BIN2: variants seen among roughly 807,000 people sequenced by gnomAD.
The protein encoded by BIN2 is breast cancer associated protein BRAP1.
In BIN2, 43 loss-of-function variants were observed where a neutral mutation model predicts 67.9. The observed-to-expected ratio is 0.63, with a 90% CI of 0.50 to 0.82. The LOEUF (loss-of-function observed/expected upper bound fraction) is 0.82, where lower values mean the gene tolerates loss of function less well. BIN2 is among the 40% of genes least tolerant of loss of function. The probability of loss-of-function intolerance (pLI) is 0.00; values close to 1 mark genes in which losing one functional copy is unlikely to be tolerated. For missense variants in BIN2, 581 were observed against 671.6 expected (o/e 0.87, Z 1.49); for synonymous variants, 244 against 246.8 (o/e 0.99, Z 0.11).
chr12:51,290,564 C>T (rs1423732027), intron 10 of BIN2, among the ~76,000 whole-genome samples: 4 of 151,956 alleles, frequency 2.6e-5, no homozygotes, highest in South Asian at 2.1e-4. Context: ...AGGTGGCTCA[C>T]GCCTGTAATC....
intron 2 of BIN2, among the ~76,000 whole-genome samples, chr12:51,306,709 T>A (rs903020122): frequency 6.6e-6 from 1 of 152,234 alleles, no homozygotes; most frequent in African/African-American, 2.4e-5. Context: ...CTGGATTTGG[T>A]AATGGGTCAC....
chr12:51,313,906 A>C lies in BIN2; in HGVS notation c.82-3T>G. The C allele has an allele frequency of 1.9e-6, 3 of 1,613,122 alleles. No individual in the cohort carries two copies. Among genetic ancestry groups the C allele is most frequent in the Non-Finnish European group, 2.5e-6 (3 of 1,179,138 alleles). On this transcript the variant is annotated splice_region_variant and splice_polypyrimidine_tract_variant and intron_variant, in intron 1 of 12. Coordinates refer to ENST00000615107, the MANE Select transcript of BIN2 (RefSeq NM_016293.4). ...GCTTTCCCCAATTTCTGCAGCACCTAGGGATATAAGTCAGAAAGGCCCGTA... is the reference window on the plus strand; with the variant it reads ...GCTTTCCCCAATTTCTGCAGCACCTCGGGATATAAGTCAGAAAGGCCCGTA...
rs1455409057 is a variant in BIN2, at chr12:51,297,114, T to C, written c.653A>G (p.Asp218Gly). 6.2e-7 allele frequency: 1 copy of C among 1,613,988 alleles called. No individual in the cohort carries two copies. The highest frequency in any genetic ancestry group is 8.5e-7 in the Non-Finnish European group (1 of 1,179,938). Reference protein sequence around the residue: ...TIFQNISNLRDVFYREMSKLN... With the variant: ...TIFQNISNLRGVFYREMSKLN... ...CTTGCTCATTTCCCTGTAGAAGACA[T>C]CCCTCAAGTTGGAAATGTTTTGGAA... The change falls in exon 8 of 13, where the codon GAT becomes GGT. Residue 218 changes from aspartate to glycine, a missense_variant. Asp to Gly is a moderately conservative substitution (Grantham distance 94). Coordinates refer to ENST00000615107, the MANE Select transcript of BIN2 (RefSeq NM_016293.4).
At position 51,288,874 on chromosome 12, in the gene BIN2, C is replaced by T. The variant is rs559097381; in HGVS notation, c.1516-686G>A. ...AAGCGATTCTCCTGCCTCAGCCTCC[C>T]GAGTAGCTGGGATTACGGCACACAC... On this transcript the variant is annotated intron_variant, in intron 10 of 12. Coordinates refer to ENST00000615107, the MANE Select transcript of BIN2 (RefSeq NM_016293.4). Among the ~76,000 whole-genome samples, 90 of 152,042 alleles carry T rather than the reference C, an allele frequency of 5.9e-4. No homozygotes were observed. In the South Asian group the frequency reaches 0.011, roughly 19 times the overall value.
intron 1 of BIN2, among the ~76,000 whole-genome samples, chr12:51,317,546 G>A (rs1408970513): frequency 1.3e-5 from 2 of 152,254 alleles, no homozygotes; most frequent in South Asian, 2.1e-4. Context: ...GTGCACGCCT[G>A]CAATCCCAGC....
rs533100209 is a variant in BIN2, at chr12:51,282,491, TA to T, written c.1669-964del. Among the ~76,000 whole-genome samples the T allele has an allele frequency of 6.5e-3, 986 of 152,342 alleles. 12 individuals are homozygous for T. Among genetic ancestry groups the T allele is most frequent in the African/African-American group, 0.022 (931 of 41,582 alleles). On this transcript the variant is annotated intron_variant, in intron 12 of 12. Coordinates refer to ENST00000615107, the MANE Select transcript of BIN2 (RefSeq NM_016293.4). ...AACAAACTTACAGTGCTGCCAGTTG[TA>T]AAAAGTATAGCACATGCAATTATGT...
chr12:51,323,870 C>G, intron 1 of BIN2, 152 bp downstream of exon 1: 1 of 965,192 alleles, frequency 1.0e-6, no homozygotes, highest in Non-Finnish European at 1.5e-6. Flanking sequence ...CCACTCCTCG[C>G]TCCCGTTTCC....
Position 51,291,754 on chromosome 12 carries a change from G to A in BIN2, c.1352C>T (p.Ser451Phe), listed in dbSNP as rs1373161685. 6.2e-7 allele frequency: 1 copy of A among 1,613,624 alleles called. No individual in the cohort carries two copies. Among genetic ancestry groups the A allele is most frequent in the Middle Eastern group, 1.7e-4 (1 of 6,048 alleles). Residue 451 changes from serine (S) to phenylalanine (F), a missense_variant, in exon 10 of 13, where the codon TCC becomes TTC. Ser to Phe is a radical substitution (Grantham distance 155, BLOSUM62 -2). Transcript: ENST00000615107. Reference protein sequence around the residue: ...GGGSPTSPRASLGTGTASPRT... With the variant: ...GGGSPTSPRAFLGTGTASPRT... ...AGGACTTGCAGTCCCAGTCCCCAAG[G>A]AGGCCCTAGGGCTGGTGGGTGAACC... is the stretch of plus-strand genomic sequence containing the variant.
At chr12:51,305,873 G>T (rs1388994495) in intron 2 of BIN2, among the ~76,000 whole-genome samples, 2 of 118,704 alleles carry the variant, frequency 1.7e-5, no homozygotes, top group East Asian at 5.3e-4. Flanking sequence ...TCGCTCTGTC[G>T]CCCAGGCTGG....
chr12:51,315,233 T>G (rs907024030), intron 1 of BIN2, among the ~76,000 whole-genome samples: 1 of 151,808 alleles, frequency 6.6e-6, no homozygotes, highest in South Asian at 2.1e-4. Flanking sequence ...GCAGTGGCAC[T>G]ATCTCGGCTC....
intron 11 of BIN2, among the ~76,000 whole-genome samples, chr12:51,285,648 G>GA (rs1486725948): frequency 1.4e-5 from 2 of 141,012 alleles, no homozygotes; most frequent in Non-Finnish European, 3.0e-5. Context: ...TTTTGAGAAG[G>GA]AATCTGGCTC....
At chr12:51,295,503 CAGTGAGCCT>C (rs1945518986) in intron 9 of BIN2, among the ~76,000 whole-genome samples, 1 of 143,370 alleles carries the variant, frequency 7.0e-6, no homozygotes, top group Admixed American at 7.0e-5. Context: ...GCGGAGCTTG[CAGTGAGCCT>C]AGATCGCGCC....
rs372906714 is a variant in BIN2 at position 51,297,474 on chromosome 12, A to G, written c.603-310T>C. 20 of 195,004 alleles carry G rather than the reference A, an allele frequency of 1.0e-4. No individual in the cohort carries two copies. In the East Asian group the frequency reaches 2.1e-3, roughly 21 times the overall value. The allele number at this position is 195,004 out of a possible 1,614,324, so 12.1% of individuals were successfully genotyped here. On this transcript the variant is annotated intron_variant, in intron 7 of 12. Transcript: ENST00000615107. The stretch of plus-strand genomic sequence containing the variant: ...CCCAGCTACTCAGGAGGCTGAGGCA[A>G]AAGAGTCGCTTGAACCTGGTAGGCA...
Position 51,324,130 on chromosome 12 carries a change from C to G in BIN2, c.-28G>C, listed in dbSNP as rs775900063. 4 of 1,610,522 alleles carry G rather than the reference C, an allele frequency of 2.5e-6. No individual in the cohort carries two copies. The highest frequency in any genetic ancestry group is 4.5e-5 in the East Asian group (2 of 44,744). ...TGCCAACTCCCTGGGGGCCGCCGCC[C>G]TGGCCCCGCGCCCTGTGGTTTTCTG... On this transcript the variant is annotated 5_prime_UTR_variant, in exon 1 of 13. Coordinates refer to ENST00000615107, the MANE Select transcript of BIN2 (RefSeq NM_016293.4).
At position 51,303,158 on chromosome 12, in the gene BIN2, C is replaced by G; in HGVS notation, c.163-17G>C. 6.2e-7 allele frequency: 1 copy of G among 1,612,330 alleles called. No individual in the cohort carries two copies. Among genetic ancestry groups the G allele is most frequent in the Non-Finnish European group, 8.5e-7 (1 of 1,178,400 alleles). On this transcript the variant is annotated splice_polypyrimidine_tract_variant and intron_variant, in intron 2 of 12. Transcript: ENST00000615107. ...GCCTTCTGCCTGAAAGAGAAAAGTACATTTGGTGACTAAAGAGATTAATAT... is the reference window on the plus strand; with the variant it reads ...GCCTTCTGCCTGAAAGAGAAAAGTAGATTTGGTGACTAAAGAGATTAATAT...
At chr12:51,307,827 G>C (rs1303502374) in intron 2 of BIN2, among the ~76,000 whole-genome samples, 1 of 152,080 alleles carries the variant, frequency 6.6e-6, no homozygotes, top group Non-Finnish European at 1.5e-5. Flanking sequence ...ATGCATAAAT[G>C]CACAGTGTTG....
chr12:51,313,228 A>AAGGAAGGAAGGAAGGAAGGAAGGAAGGC (rs1565687607), intron 2 of BIN2, among the ~76,000 whole-genome samples: 1 of 139,658 alleles, frequency 7.2e-6, no homozygotes, highest in African/African-American at 2.6e-5. Flanking sequence ...GGAAGGCAGG[A>AAGGAAGGAAGGAAGGAAGGAAGGAAGGC]AGGCAGGCAG....
At chr12:51,308,573 G>C (rs1014837863) in intron 2 of BIN2, among the ~76,000 whole-genome samples, 1 of 152,200 alleles carries the variant, frequency 6.6e-6, no homozygotes, top group Non-Finnish European at 1.5e-5. Context: ...AGCAAAACAA[G>C]TGTAAATAGC....
chr12:51,293,466 T>G (rs551753610), intron 9 of BIN2, among the ~76,000 whole-genome samples: 1 of 152,064 alleles, frequency 6.6e-6, no homozygotes, highest in Admixed American at 6.6e-5. Flanking sequence ...CCCGCCACCA[T>G]GCCCAGCTAA....
Sources: gnomAD v4.1 joint callset for allele counts (sites outside exome capture counted in the v4.1 genomes callset) on GRCh38, gnomAD v4.1.1 for gene constraint, MANE v1.5 for transcripts, NCBI Gene and HGNC (gene_info 2026-07-23, HGNC 2026-07-21) for gene names.